The following NF2 variants were observed in gnomAD, a reference collection of about 807,000 sequenced individuals.
NF2 encodes the protein NF2, moesin-ezrin-radixin like (MERLIN) tumor suppressor, also known as merlin.
NF2 carries 8 observed loss-of-function variants against 83.7 expected under a neutral mutation model. The observed-to-expected ratio is 0.10, with a 90% confidence interval of 0.06 to 0.17. The LOEUF (loss-of-function observed/expected upper bound fraction) is 0.17. Ranked by LOEUF, NF2 falls within the 10% of genes least tolerant of loss-of-function variation. The pLI is 1.00. For synonymous variants in NF2, 266 were observed against 269.6 expected, an observed-to-expected ratio of 0.99 and a Z score of 0.13; for missense variants, 533 against 744.4, an observed-to-expected ratio of 0.72 and a Z score of 3.31.
In NF2 at chr22:29,698,023, A is replaced by G. The variant is rs926606743; in HGVS notation, c.*3221A>G. 1.1e-4 allele frequency: 24 copies of G among 227,620 alleles called. No homozygotes were observed. Among genetic ancestry groups the G allele is most frequent in the African/African-American group, 5.3e-4 (24 of 45,064 alleles). The allele number at this position is 227,620 out of a possible 1,614,324, so 14.1% of individuals were successfully genotyped here. On this transcript the variant is annotated 3_prime_UTR_variant, in exon 16 of 16. Transcript: ENST00000338641. Reference sequence around the variant, plus strand: ...CCCCACAGCACCGGGACCATTCATGAGGTCACTGCCCAGCTCATGATGTCC... The same window carrying G: ...CCCCACAGCACCGGGACCATTCATGGGGTCACTGCCCAGCTCATGATGTCC...
chr22:29,616,752 A>C (rs2065091573), intron 1 of NF2, among the ~76,000 whole-genome samples: 1 of 151,918 alleles, frequency 6.6e-6, no homozygotes, highest in South Asian at 2.1e-4. Flanking sequence ...CAAGAAAAAA[A>C]AAAAAAAAAA....
chr22:29,688,659 T>A (rs769208236), intron 15 of NF2, among the ~76,000 whole-genome samples: 43 of 152,252 alleles, frequency 2.8e-4, no homozygotes, highest in Non-Finnish European at 5.1e-4. Context: ...CAGCTTTTGC[T>A]GCTTTGGGTC....
At chr22:29,633,769 C>T (rs1355177929) in intron 1 of NF2, among the ~76,000 whole-genome samples, 1 of 152,208 alleles carries the variant, frequency 6.6e-6, no homozygotes, top group Non-Finnish European at 1.5e-5. Flanking sequence ...TCCTTCTCTC[C>T]TGCATCTAAC....
intron 1 of NF2, among the ~76,000 whole-genome samples, chr22:29,630,447 T>C (rs2065477638): frequency 6.6e-6 from 1 of 152,246 alleles, no homozygotes; most frequent in Admixed American, 6.5e-5. Flanking sequence ...ATCCATGATA[T>C]AGGCACAAGT....
intron 4 of NF2, among the ~76,000 whole-genome samples, chr22:29,648,680 A>G (rs2530669): frequency 0.36 from 55,313 of 152,128 alleles, 10,975 homozygotes; most frequent in Non-Finnish European, 0.47. Context: ...CAGGTGGCAC[A>G]ATCTCCACCC....
intron 2 of NF2, 122 bp from the exon 3 acceptor site, chr22:29,638,968 A>T: frequency 7.2e-7 from 1 of 1,396,806 alleles, no homozygotes; most frequent in Non-Finnish European, 1.0e-6. Flanking sequence ...CACAACTTTC[A>T]GGAAATGTGA....
intron 9 of NF2, among the ~76,000 whole-genome samples, chr22:29,666,837 G>A (rs5997503): frequency 1.1e-4 from 16 of 152,142 alleles, no homozygotes; most frequent in Admixed American, 3.3e-4. Context: ...TTAGCTGGGC[G>A]TGGTGGCGCA....
chr22:29,624,925 CTT>C (rs2065323618), intron 1 of NF2, among the ~76,000 whole-genome samples: 1 of 145,314 alleles, frequency 6.9e-6, no homozygotes, highest in South Asian at 2.2e-4. Flanking sequence ...CTCTCTCTTT[CTT>C]TCTTTCTTTC....
At chr22:29,671,168 G>C (rs2066772115) in intron 10 of NF2, among the ~76,000 whole-genome samples, 1 of 152,176 alleles carries the variant, frequency 6.6e-6, no homozygotes, top group South Asian at 2.1e-4. Flanking sequence ...CCATGGGGCA[G>C]AGCCACCTGG....
intron 1 of NF2, among the ~76,000 whole-genome samples, chr22:29,632,920 T>C (rs1159445922): frequency 6.6e-6 from 1 of 152,140 alleles, no homozygotes; most frequent in Non-Finnish European, 1.5e-5. Context: ...ATGAGCTTGG[T>C]CATATTCTGG....
At position 29,639,163 on chromosome 22, in the gene NF2, C is replaced by T. The variant is rs2065731354; in HGVS notation, c.314C>T (p.Ala105Val). ...TTGGCCAAATTTTATCCTGAGAATG[C>T]TGAAGAGGAGCTGGTTCAGGAGATC... ...HFLAKFYPEN[A>V]EEELVQEITQ... The change falls in exon 3 of 16, where the codon GCT (alanine) becomes GTT (valine). Residue 105 changes from alanine (A) to valine (V), a missense_variant. Ala to Val is a moderately conservative substitution (Grantham distance 64). Coordinates refer to ENST00000338641, the MANE Select transcript of NF2 (RefSeq NM_000268.4). The T allele has an allele frequency of 6.2e-7, 1 of 1,614,142 alleles. No individual in the cohort carries two copies. The highest frequency in any genetic ancestry group is 8.5e-7 in the Non-Finnish European group (1 of 1,180,006).
chr22:29,684,732 C>T (rs2067230776), intron 15 of NF2, among the ~76,000 whole-genome samples: 1 of 152,138 alleles, frequency 6.6e-6, no homozygotes, highest in Non-Finnish European at 1.5e-5. Context: ...TTAATAAAAG[C>T]AGGGACTTGA....
intron 15 of NF2, among the ~76,000 whole-genome samples, chr22:29,692,421 C>A (rs906866847): frequency 6.6e-6 from 1 of 152,218 alleles, no homozygotes; most frequent in Non-Finnish European, 1.5e-5. Context: ...CACTCTGCAT[C>A]CTAATAAGCA....
chr22:29,632,268 TTTGCCTCTAGAC>T lies in NF2; in HGVS notation c.115-4479_115-4468del, dbSNP rs1395594821. On this transcript the variant is annotated intron_variant, in intron 1 of 15. Coordinates refer to ENST00000338641, the MANE Select transcript of NF2 (RefSeq NM_000268.4). ...TCCTGTAAGGACGACTGACCTCTTT[TTTGCCTCTAGAC>T]TTGTGCATATGCTATTCCCTCTGCC... 2.6e-5 allele frequency among the ~76,000 whole-genome samples: 4 copies of T among 152,328 alleles called. No individual in the cohort carries two copies. In the East Asian group the frequency reaches 7.7e-4, roughly 29 times the overall value.
chr22:29,680,146 C>T (rs1376315908), intron 14 of NF2, among the ~76,000 whole-genome samples: 1 of 151,588 alleles, frequency 6.6e-6, no homozygotes, highest in Non-Finnish European at 1.5e-5. Flanking sequence ...GAGTCTCACT[C>T]CATCGCCCAG....
In NF2 at chr22:29,697,944, G is replaced by A. The variant is rs756019592; in HGVS notation, c.*3142G>A. On this transcript the variant is annotated 3_prime_UTR_variant, in exon 16 of 16. Coordinates refer to ENST00000338641, the MANE Select transcript of NF2 (RefSeq NM_000268.4). ...GGAAGTCTCAAGCCCAAAGAGCAGCGTCCTGACCATGGTGGTTTCATTACG... is the reference window on the plus strand; with the variant it reads ...GGAAGTCTCAAGCCCAAAGAGCAGCATCCTGACCATGGTGGTTTCATTACG... 4.0e-5 allele frequency: 9 copies of A among 223,374 alleles called. No individual in the cohort carries two copies. The highest frequency in any genetic ancestry group is 1.1e-4 in the Admixed American group (2 of 17,400). 13.8% of individuals were successfully genotyped at this position (223,374 alleles called of 1,614,324 possible). A position where few individuals can be genotyped will look rare whatever the true frequency, so the allele number is the denominator to read the frequency against.
chr22:29,622,646 A>ATT (rs35744962), intron 1 of NF2, among the ~76,000 whole-genome samples: 1,181 of 63,284 alleles, frequency 0.019, 252 homozygotes, highest in South Asian at 0.037. Context: ...AAGACCCTGT[A>ATT]TTTTTTTTTT....
chr22:29,659,122 G>A (rs1210849213), intron 7 of NF2, among the ~76,000 whole-genome samples: 5 of 152,048 alleles, frequency 3.3e-5, no homozygotes, highest in African/African-American at 4.8e-5. Flanking sequence ...AGAAAATAAG[G>A]CACACTTAAA....
intron 4 of NF2, among the ~76,000 whole-genome samples, chr22:29,642,590 CATT>C (rs1285747690): frequency 2.0e-5 from 3 of 151,350 alleles, no homozygotes; most frequent in African/African-American, 7.3e-5. Context: ...TGTGTAATCT[CATT>C]ATGTACATGT....
Sources: gnomAD v4.1 joint callset for allele counts (sites outside exome capture counted in the v4.1 genomes callset) on GRCh38, gnomAD v4.1.1 for gene constraint, MANE v1.5 for transcripts, NCBI Gene and HGNC (gene_info 2026-07-23, HGNC 2026-07-21) for gene names.